TNFSF4: variants seen among roughly 807,000 people sequenced by gnomAD.
TNFSF4 encodes tumor necrosis factor ligand superfamily member 4.
In TNFSF4, 4 loss-of-function variants were observed where a neutral mutation model predicts 7.3. The ratio of observed to expected loss-of-function variants is 0.55; its 90% CI spans 0.27 to 1.25. The LOEUF is 1.25. Among genes scored for constraint, TNFSF4 ranks in the 50% most tolerant of loss-of-function variants. The pLI is 0.12. For synonymous variants in TNFSF4, 76 were observed against 83.7 expected, an observed-to-expected ratio of 0.91 and a Z score of 0.50; for missense variants, 181 against 208.8, an observed-to-expected ratio of 0.87 and a Z score of 0.82.
the TNFSF4 span, among the ~76,000 whole-genome samples, chr1:173,291,971 C>G: frequency 2.7e-5 from 4 of 149,778 alleles, no homozygotes; most frequent in African/African-American, 9.8e-5. Context: ...TAACCAGTTC[C>G]AAAATTAAAT....
At chr1:173,294,983 T>C in the TNFSF4 span, among the ~76,000 whole-genome samples, 3,092 of 152,152 alleles carry the variant, frequency 0.02, 105 homozygotes, top group African/African-American at 0.071. Context: ...TACAAATCTC[T>C]GATGAACACA....
the TNFSF4 span, among the ~76,000 whole-genome samples, chr1:173,324,309 A>T: frequency 6.6e-6 from 1 of 152,298 alleles, no homozygotes; most frequent in Non-Finnish European, 1.5e-5. Flanking sequence ...AGACAAGCAA[A>T]TGCTGAGAGA....
At chr1:173,274,634 T>G in the TNFSF4 span, among the ~76,000 whole-genome samples, 1 of 152,094 alleles carries the variant, frequency 6.6e-6, no homozygotes, top group African/African-American at 2.4e-5. Flanking sequence ...CCTAACCACA[T>G]GAGCCCTTTA....
At chr1:173,354,960 T>C in the TNFSF4 span, among the ~76,000 whole-genome samples, 85 of 152,312 alleles carry the variant, frequency 5.6e-4, no homozygotes, top group Non-Finnish European at 6.5e-4. Flanking sequence ...ATTATCTTAA[T>C]GGTTTTGAAG....
At chr1:173,249,303 G>A in the TNFSF4 span, among the ~76,000 whole-genome samples, 3 of 152,214 alleles carry the variant, frequency 2.0e-5, no homozygotes, top group African/African-American at 4.8e-5. Flanking sequence ...ACTTGTGAAT[G>A]CCGAAAAGTT....
At chr1:173,420,543 C>CTT in the TNFSF4 span, among the ~76,000 whole-genome samples, 6 of 151,398 alleles carry the variant, frequency 4.0e-5, no homozygotes, top group African/African-American at 7.3e-5. Flanking sequence ...CAGTAAAGGC[C>CTT]TTTTTTTTTC....
chr1:173,442,368 T>C, the TNFSF4 span, among the ~76,000 whole-genome samples: 1 of 151,932 alleles, frequency 6.6e-6, no homozygotes, highest in African/African-American at 2.4e-5. Flanking sequence ...CCCCAACTCC[T>C]CCCCAGAACC....
At chr1:173,277,714 A>C in the TNFSF4 span, among the ~76,000 whole-genome samples, 1 of 152,126 alleles carries the variant, frequency 6.6e-6, no homozygotes, top group Admixed American at 6.6e-5. Context: ...GGACACTTAC[A>C]ATGTATCAGG....
the TNFSF4 span, among the ~76,000 whole-genome samples, chr1:173,173,274 G>A: frequency 7.2e-5 from 11 of 152,252 alleles, no homozygotes; most frequent in Admixed American, 2.6e-4. Context: ...GTTCCCCAAA[G>A]TCTTAACTCA....
At chr1:173,428,803 G>A in the TNFSF4 span, among the ~76,000 whole-genome samples, 5 of 152,104 alleles carry the variant, frequency 3.3e-5, no homozygotes, top group Non-Finnish European at 7.3e-5. Context: ...TCAGGAATTC[G>A]AGACCAGCCT....
the TNFSF4 span, among the ~76,000 whole-genome samples, chr1:173,353,109 G>A: frequency 1.3e-5 from 2 of 152,132 alleles, no homozygotes; most frequent in East Asian, 1.9e-4. Context: ...AAAAACACAC[G>A]CTTTATGAAC....
the TNFSF4 span, among the ~76,000 whole-genome samples, chr1:173,420,237 T>C: frequency 6.6e-6 from 1 of 152,044 alleles, no homozygotes; most frequent in South Asian, 2.1e-4. Context: ...AAAAACAGTC[T>C]ACTCAACCTG....
the TNFSF4 span, among the ~76,000 whole-genome samples, chr1:173,444,635 T>C: frequency 2.0e-5 from 3 of 152,210 alleles, no homozygotes; most frequent in Non-Finnish European, 2.9e-5. Context: ...AAAAGAAAAT[T>C]TAAAAGGGAA....
At chr1:173,279,172 G>T in the TNFSF4 span, among the ~76,000 whole-genome samples, 1 of 152,024 alleles carries the variant, frequency 6.6e-6, no homozygotes, top group African/African-American at 2.4e-5. Flanking sequence ...ACTTAATGGT[G>T]ACTAAGAGCA....
the TNFSF4 span, among the ~76,000 whole-genome samples, chr1:173,422,723 A>G: frequency 6.6e-6 from 1 of 152,196 alleles, no homozygotes; most frequent in African/African-American, 2.4e-5. Flanking sequence ...GGGGGAGACA[A>G]TTCAGTTCCC....
chr1:173,266,212 G>A, the TNFSF4 span, among the ~76,000 whole-genome samples: 1 of 152,178 alleles, frequency 6.6e-6, no homozygotes, highest in Non-Finnish European at 1.5e-5. Context: ...AAGGCTGGGT[G>A]TGAATGAGTT....
At chr1:173,255,760 C>A in the TNFSF4 span, among the ~76,000 whole-genome samples, 4 of 152,190 alleles carry the variant, frequency 2.6e-5, no homozygotes, top group African/African-American at 9.7e-5. Context: ...TAAGAAATAA[C>A]CATCTCTTTG....
At chr1:173,256,192 G>C in the TNFSF4 span, among the ~76,000 whole-genome samples, 7 of 152,130 alleles carry the variant, frequency 4.6e-5, no homozygotes, top group Admixed American at 1.3e-4. Context: ...CAGATTCTGA[G>C]CATAATTAAC....
At chr1:173,267,471 C>T in the TNFSF4 span, among the ~76,000 whole-genome samples, 7 of 152,120 alleles carry the variant, frequency 4.6e-5, no homozygotes, top group Non-Finnish European at 1.0e-4. Context: ...AATATCTGCT[C>T]TATTGTATGT....
Sources: allele counts gnomAD v4.1 joint callset (sites outside exome capture counted in the v4.1 genomes callset), GRCh38; gene constraint gnomAD v4.1.1; transcripts MANE v1.5; gene names NCBI Gene and HGNC (gene_info 2026-07-23, HGNC 2026-07-21).